The following SHISA9 variants were observed in gnomAD, a reference collection of about 807,000 sequenced individuals.
SHISA9 encodes shisa family member 9, also known as protein shisa-9.
In SHISA9, 13 loss-of-function variants were observed where a neutral mutation model predicts 38.0. The ratio of observed to expected loss-of-function variants is 0.34; its 90% CI spans 0.22 to 0.54. The LOEUF (loss-of-function observed/expected upper bound fraction) is 0.54, where lower values mean the gene tolerates loss of function less well. SHISA9 is among the 20% of genes least tolerant of loss of function. The pLI is 0.91. For missense variants in SHISA9, 538 were observed against 575.8 expected, an observed-to-expected ratio of 0.93 and a Z score of 0.67; for synonymous variants, 275 against 242.0, an observed-to-expected ratio of 1.14 and a Z score of -1.27.
At chr16:13,521,895 G>A in the SHISA9 span, among the ~76,000 whole-genome samples, 1 of 152,112 alleles carries the variant, frequency 6.6e-6, no homozygotes, top group African/African-American at 2.4e-5. Flanking sequence ...GTGCTGTAGG[G>A]TCATAACAAC....
At chr16:13,045,262 A>G (rs1347056222) in intron 2 of SHISA9, among the ~76,000 whole-genome samples, 2 of 152,218 alleles carry the variant, frequency 1.3e-5, no homozygotes, top group African/African-American at 4.8e-5. Flanking sequence ...CACACATATT[A>G]TTTCATTGAA....
At chr16:13,394,208 C>T in the SHISA9 span, among the ~76,000 whole-genome samples, 3 of 152,300 alleles carry the variant, frequency 2.0e-5, no homozygotes, top group South Asian at 6.2e-4. Flanking sequence ...AGGAGACAGT[C>T]CCAATGCCCA....
chr16:13,079,257 C>T (rs1283303892), intron 2 of SHISA9, among the ~76,000 whole-genome samples: 1 of 152,194 alleles, frequency 6.6e-6, no homozygotes, highest in Non-Finnish European at 1.5e-5. Context: ...CTTGGAATTA[C>T]TTCTCACCAA....
chr16:13,463,405 C>T, the SHISA9 span, among the ~76,000 whole-genome samples: 1 of 152,254 alleles, frequency 6.6e-6, no homozygotes, highest in Admixed American at 6.5e-5. Context: ...TTGTGGAACA[C>T]AGAGAGGAGT....
chr16:13,490,620 T>A, the SHISA9 span, among the ~76,000 whole-genome samples: 4 of 152,082 alleles, frequency 2.6e-5, no homozygotes, highest in Non-Finnish European at 5.9e-5. Context: ...GTAAACTGAG[T>A]CTGAGTCTTT....
chr16:13,316,920 G>A, the SHISA9 span, among the ~76,000 whole-genome samples: 2 of 152,198 alleles, frequency 1.3e-5, no homozygotes, highest in Admixed American at 1.3e-4. Flanking sequence ...TGCACCTCCT[G>A]CAACCTGCAA....
At chr16:13,437,090 C>CACATT in the SHISA9 span, among the ~76,000 whole-genome samples, 1 of 152,172 alleles carries the variant, frequency 6.6e-6, no homozygotes, top group Non-Finnish European at 1.5e-5. Flanking sequence ...CCTCCCATGG[C>CACATT]ACATTACGGG....
chr16:13,209,962 G>A (rs1320107164), intron 3 of SHISA9, among the ~76,000 whole-genome samples: 1 of 152,164 alleles, frequency 6.6e-6, no homozygotes, highest in African/African-American at 2.4e-5. Context: ...TTAGCTGGGT[G>A]TGGTGGCACA....
chr16:12,979,011 A>G (rs1215330758), intron 2 of SHISA9, among the ~76,000 whole-genome samples: 1 of 152,170 alleles, frequency 6.6e-6, no homozygotes, highest in Non-Finnish European at 1.5e-5. Context: ...TGGGATCCCA[A>G]ATCCTCGTTA....
At chr16:13,323,709 C>T in the SHISA9 span, among the ~76,000 whole-genome samples, 7 of 152,182 alleles carry the variant, frequency 4.6e-5, no homozygotes, top group East Asian at 3.9e-4. Context: ...GAAGAAGTGT[C>T]GAGCAAAGGG....
At chr16:13,177,818 C>A (rs542285049) in intron 2 of SHISA9, among the ~76,000 whole-genome samples, 1 of 152,106 alleles carries the variant, frequency 6.6e-6, no homozygotes, top group Non-Finnish European at 1.5e-5. Flanking sequence ...TACAGGCAAT[C>A]GCCACCATAC....
chr16:13,130,576 CAGGTATGACTTTTTATTTTCATAGGTTT>C (rs1439422198), intron 2 of SHISA9, among the ~76,000 whole-genome samples: 11 of 152,154 alleles, frequency 7.2e-5, no homozygotes, highest in Non-Finnish European at 1.3e-4. Flanking sequence ...GTATATAACA[CAGGTATGACTTTTTATTTTCATAGGTTT>C]AGGTATGACT....
chr16:13,360,022 G>A, the SHISA9 span, among the ~76,000 whole-genome samples: 1 of 152,176 alleles, frequency 6.6e-6, no homozygotes, highest in African/African-American at 2.4e-5. Flanking sequence ...CCTGAGTTCT[G>A]TACCTTGGGG....
At chr16:13,200,452 G>A (rs1050713122) in intron 2 of SHISA9, among the ~76,000 whole-genome samples, 87 of 115,484 alleles carry the variant, frequency 7.5e-4, no homozygotes, top group African/African-American at 3.1e-3. Context: ...AGCAGCAGCA[G>A]CAGCAGCAGC....
intron 2 of SHISA9, among the ~76,000 whole-genome samples, chr16:13,088,133 G>C (rs1373284709): frequency 1.3e-5 from 2 of 152,184 alleles, no homozygotes; most frequent in African/African-American, 2.4e-5. Flanking sequence ...GATGGTTGTA[G>C]ATGTGTGGCA....
the SHISA9 span, among the ~76,000 whole-genome samples, chr16:13,372,061 A>G: frequency 6.6e-6 from 1 of 152,202 alleles, no homozygotes. Flanking sequence ...CACTGATCTT[A>G]TTGGAGCTCC....
chr16:13,413,501 AT>A, the SHISA9 span, among the ~76,000 whole-genome samples: 4 of 152,114 alleles, frequency 2.6e-5, no homozygotes, highest in Non-Finnish European at 4.4e-5. Context: ...CACGCCTGCA[AT>A]CCCAACACTT....
chr16:13,498,906 C>T, the SHISA9 span, among the ~76,000 whole-genome samples: 1 of 152,210 alleles, frequency 6.6e-6, no homozygotes, highest in Non-Finnish European at 1.5e-5. Context: ...ATTTAGCAGA[C>T]ACTGATCTGG....
chr16:13,291,979 T>C, the SHISA9 span, among the ~76,000 whole-genome samples: 3 of 152,082 alleles, frequency 2.0e-5, no homozygotes, highest in African/African-American at 7.2e-5. Flanking sequence ...GTATTCCCTT[T>C]CTTTGGATTT....
Sources: allele counts gnomAD v4.1 joint callset (sites outside exome capture counted in the v4.1 genomes callset), GRCh38; gene constraint gnomAD v4.1.1; transcripts MANE v1.5; gene names NCBI Gene and HGNC (gene_info 2026-07-23, HGNC 2026-07-21).